Variants in PRKG1 observed in about 807,000 individuals in gnomAD.
PRKG1 encodes the protein cGMP-dependent protein kinase 1.
A neutral mutation model predicts 88.1 loss-of-function variants in PRKG1; 35 were observed. The observed-to-expected ratio is 0.40, with a 90% CI of 0.30 to 0.53. The LOEUF (loss-of-function observed/expected upper bound fraction) is 0.53. Ranked by LOEUF, PRKG1 falls within the 20% of genes least tolerant of loss-of-function variation. The pLI, the probability that PRKG1 is intolerant of heterozygous loss-of-function variation, is 0.59. For missense variants in PRKG1, 540 were observed against 839.8 expected, an observed-to-expected ratio of 0.64 and a Z score of 4.41; for synonymous variants, 303 against 292.5, an observed-to-expected ratio of 1.04 and a Z score of -0.37.
chr10:51,592,113 C>G (rs1838327008), intron 3 of PRKG1, among the ~76,000 whole-genome samples: 1 of 152,116 alleles, frequency 6.6e-6, no homozygotes, highest in Admixed American at 6.5e-5. Flanking sequence ...GGAAAGAACT[C>G]AAACTGGGAA....
At chr10:52,000,580 G>T (rs931679874) in intron 5 of PRKG1, among the ~76,000 whole-genome samples, 1 of 151,956 alleles carries the variant, frequency 6.6e-6, no homozygotes, top group African/African-American at 2.4e-5. Context: ...ATACAGAATT[G>T]GTTGTGAATG....
chr10:52,057,001 A>G (rs1360391359), intron 6 of PRKG1, among the ~76,000 whole-genome samples: 1 of 152,170 alleles, frequency 6.6e-6, no homozygotes, highest in African/African-American at 2.4e-5. Context: ...ATTTTCTACA[A>G]TTATATGTCA....
chr10:51,203,094 G>GGAGA (rs147929880), intron 2 of PRKG1, among the ~76,000 whole-genome samples: 4 of 150,124 alleles, frequency 2.7e-5, no homozygotes, highest in East Asian at 3.9e-4. Context: ...GAATACAGAG[G>GGAGA]GAGAGAGAGA....
intron 3 of PRKG1, among the ~76,000 whole-genome samples, chr10:51,793,377 AGAAC>A (rs1292632675): frequency 6.6e-6 from 1 of 152,138 alleles, no homozygotes; most frequent in Admixed American, 6.6e-5. Context: ...GATGGAAAAA[AGAAC>A]AAAAAACTTG....
At chr10:52,035,801 G>C (rs1845593554) in intron 5 of PRKG1, among the ~76,000 whole-genome samples, 1 of 152,176 alleles carries the variant, frequency 6.6e-6, no homozygotes, top group East Asian at 1.9e-4. Context: ...GTTGAGCATA[G>C]TTTGTGATTT....
At chr10:51,273,059 A>AT (rs1422643621) in intron 2 of PRKG1, among the ~76,000 whole-genome samples, 1 of 152,124 alleles carries the variant, frequency 6.6e-6, no homozygotes, top group Non-Finnish European at 1.5e-5. Flanking sequence ...GAATTTATAT[A>AT]TTTTTTGTTG....
chr10:51,504,086 T>C (rs1482081040), intron 3 of PRKG1, among the ~76,000 whole-genome samples: 3 of 152,104 alleles, frequency 2.0e-5, no homozygotes, highest in Non-Finnish European at 4.4e-5. Flanking sequence ...AGCGGAGCCC[T>C]GTTAGGATAA....
chr10:51,937,338 A>G (rs1255340653), intron 5 of PRKG1, among the ~76,000 whole-genome samples: 1 of 151,850 alleles, frequency 6.6e-6, no homozygotes, highest in Non-Finnish European at 1.5e-5. Flanking sequence ...ATAAATTAAT[A>G]TGAATCTGAC....
chr10:51,646,284 T>C (rs1422253976), intron 3 of PRKG1, among the ~76,000 whole-genome samples: 2 of 152,166 alleles, frequency 1.3e-5, no homozygotes, highest in Non-Finnish European at 2.9e-5. Context: ...AAATAAATGT[T>C]ATAATAATAT....
At position 52,280,901 on chromosome 10, in the gene PRKG1, A is replaced by G; in HGVS notation, c.1516A>G (p.Ile506Val). ...IYRDLKPENL[I>V]LDHRGYAKLV... ...CAGGGACCTCAAGCCAGAAAATCTC[A>G]TCCTAGATCACCGAGGTTATGCCAA... The change falls in exon 13 of 18, where the codon ATC (isoleucine) becomes GTC (valine). Residue 506 changes from isoleucine (I) to valine (V), a missense_variant. Around this residue, in one of 5 missense-constraint regions of PRKG1, gnomAD observed 97 missense variants for 210.6 expected, o/e 0.46. Transcript: ENST00000373980. 6.2e-7 allele frequency: 1 copy of G among 1,611,144 alleles called. No individual in the cohort carries two copies. The highest frequency in any genetic ancestry group is 2.2e-5 in the East Asian group (1 of 44,786).
chr10:51,410,611 G>A (rs574574993), intron 2 of PRKG1, among the ~76,000 whole-genome samples: 1 of 152,090 alleles, frequency 6.6e-6, no homozygotes, highest in East Asian at 1.9e-4. Context: ...ACAGACACAC[G>A]CAGAATCAAT....
At chr10:51,115,867 A>G (rs1270223274) in intron 1 of PRKG1, among the ~76,000 whole-genome samples, 2 of 151,182 alleles carry the variant, frequency 1.3e-5, no homozygotes, top group African/African-American at 4.9e-5. Context: ...ATAAAGAAGT[A>G]GTACCAAAAT....
intron 7 of PRKG1, among the ~76,000 whole-genome samples, chr10:52,125,066 TAAC>T (rs1463059965): frequency 1.3e-5 from 2 of 152,172 alleles, no homozygotes; most frequent in Non-Finnish European, 2.9e-5. Flanking sequence ...CACTCTAAAA[TAAC>T]AATAAAAAGC....
At chr10:51,250,068 T>A (rs539712739) in intron 2 of PRKG1, among the ~76,000 whole-genome samples, 6 of 151,896 alleles carry the variant, frequency 4.0e-5, no homozygotes, top group African/African-American at 1.4e-4. Context: ...GAGCCTACAG[T>A]TACTGAATGG....
chr10:52,190,001 CTG>C (rs1839323716), intron 9 of PRKG1, among the ~76,000 whole-genome samples: 1 of 152,118 alleles, frequency 6.6e-6, no homozygotes, highest in African/African-American at 2.4e-5. Flanking sequence ...GCAGGTTTAT[CTG>C]TGTATTTATT....
chr10:51,854,936 G>T (rs572876736), intron 4 of PRKG1, among the ~76,000 whole-genome samples: 2 of 152,264 alleles, frequency 1.3e-5, no homozygotes, highest in South Asian at 2.1e-4. Context: ...ATAGATGAGA[G>T]AACTGGGAAG....
intron 5 of PRKG1, among the ~76,000 whole-genome samples, chr10:51,934,709 G>A (rs1220947490): frequency 1.3e-5 from 2 of 152,150 alleles, no homozygotes; most frequent in Non-Finnish European, 2.9e-5. Flanking sequence ...TGAAAGATTA[G>A]CCTTGCCAAT....
intron 8 of PRKG1, among the ~76,000 whole-genome samples, chr10:52,136,071 G>C (rs946269128): frequency 7.2e-5 from 11 of 152,148 alleles, no homozygotes; most frequent in South Asian, 2.1e-4. Flanking sequence ...CATGCAGATA[G>C]AGAAAAGGGC....
rs769742620 is a variant in PRKG1, at chr10:51,158,627, G to T, written c.478+5297G>T. On this transcript the variant is annotated intron_variant, in intron 2 of 17. Coordinates refer to ENST00000373980, the MANE Select transcript of PRKG1 (RefSeq NM_006258.4). ...TACTGACCTCTCTGTAGATCATCTG[G>T]CATCCATTCCTCTTCTCTTATTAGT... Among the ~76,000 whole-genome samples the T allele has an allele frequency of 4.5e-4, 69 of 151,792 alleles. 4 individuals carry two copies. Among genetic ancestry groups the T allele is most frequent in the Non-Finnish European group, 8.8e-5 (6 of 67,848 alleles).
Sources: gnomAD v4.1 joint callset for allele counts (sites outside exome capture counted in the v4.1 genomes callset) on GRCh38, gnomAD v4.1.1 for gene constraint, gnomAD v4.1.1 regional missense constraint, MANE v1.5 for transcripts, NCBI Gene and HGNC (gene_info 2026-07-23, HGNC 2026-07-21) for gene names.